Variants in COMT observed in about 807,000 individuals in gnomAD.
COMT encodes catechol O-methyltransferase.
Under a neutral mutation model 18.9 loss-of-function variants are expected in COMT, and 13 were observed. The ratio of observed to expected loss-of-function variants is 0.69; its 90% CI spans 0.45 to 1.09. COMT has a LOEUF of 1.09. Among genes scored for constraint, COMT ranks in the 50% least tolerant of loss-of-function variants. The pLI is 0.00. For synonymous variants in COMT, 150 were observed against 160.9 expected, an observed-to-expected ratio of 0.93 and a Z score of 0.51; for missense variants, 329 against 361.8, an observed-to-expected ratio of 0.91 and a Z score of 0.73.
chr22:19,948,599 G>A (rs763739164), intron 1 of COMT, among the ~76,000 whole-genome samples: 12 of 152,122 alleles, frequency 7.9e-5, no homozygotes, highest in Non-Finnish European at 1.8e-4. Flanking sequence ...GTTCAAGGTT[G>A]CAGTGAGCTG....
At chr22:19,966,026 T>C (rs529410576) in intron 5 of COMT, among the ~76,000 whole-genome samples, 13 of 152,344 alleles carry the variant, frequency 8.5e-5, no homozygotes, top group African/African-American at 2.9e-4. Flanking sequence ...TGGGTGCTAA[T>C]TACAGGGGCC....
intron 1 of COMT, among the ~76,000 whole-genome samples, chr22:19,957,542 T>C (rs1429898944): frequency 1.3e-5 from 2 of 152,244 alleles, no homozygotes; most frequent in African/African-American, 4.8e-5. Context: ...GCAGAGAAGC[T>C]TGGGCAGGCC....
chr22:19,957,057 T>C (rs906171145), intron 1 of COMT, among the ~76,000 whole-genome samples: 83 of 149,794 alleles, frequency 5.5e-4, no homozygotes, highest in Admixed American at 1.6e-3. Context: ...TTCACGCCAT[T>C]CTCCTGCCTC....
chr22:19,952,659 C>A (rs28804429), intron 1 of COMT, among the ~76,000 whole-genome samples: 35,398 of 136,340 alleles, frequency 0.26, 4,321 homozygotes, highest in Middle Eastern at 0.4. Context: ...AAAACAACAA[C>A]AAAAAAAAAA....
Position 19,969,865 on chromosome 22 carries a change from G to A in COMT, c.*1129G>A, listed in dbSNP as rs1942647011. 3.0e-6 allele frequency: 3 copies of A among 985,456 alleles called. No homozygotes were observed. Among genetic ancestry groups the A allele is most frequent in the Non-Finnish European group, 3.6e-6 (3 of 829,924 alleles). 61.0% of individuals were successfully genotyped at this position (985,456 alleles called of 1,614,324 possible). On this transcript the variant is annotated 3_prime_UTR_variant, in exon 6 of 6. Transcript: ENST00000361682. Reference sequence around the variant, plus strand: ...GACACAAGGGAGAAGCCAGCCACTTGTGCCAGACCTGAGTGGCAGAAAGCA... The same window carrying A: ...GACACAAGGGAGAAGCCAGCCACTTATGCCAGACCTGAGTGGCAGAAAGCA...
At chr22:19,951,643 G>C (rs944071337) in intron 1 of COMT, 7 of 152,372 alleles carry the variant, frequency 4.6e-5, no homozygotes, top group African/African-American at 1.4e-4. Context: ...AACACAGCTG[G>C]ACATTAAAGT....
chr22:19,952,956 AT>A lies in COMT; in HGVS notation c.-91-8242del, dbSNP rs1295236120. Among the ~76,000 whole-genome samples the A allele has an allele frequency of 6.6e-3, 6 of 908 alleles. No homozygotes were observed. The South Asian group carries it at 0.13, about 20-fold the overall frequency. 0.6% of individuals were successfully genotyped at this position (908 alleles called of 152,430 possible). A position where few individuals can be genotyped will look rare whatever the true frequency, so the allele number is the denominator to read the frequency against. ...ACAGAGTGACAGCCCGTCTCAAAAAATAAATAAATAAATAAATAAATAAATA... is the reference window on the plus strand; with the variant it reads ...ACAGAGTGACAGCCCGTCTCAAAAAAAAATAAATAAATAAATAAATAAATA... On this transcript the variant is annotated intron_variant, in intron 1 of 5. Coordinates refer to ENST00000361682, the MANE Select transcript of COMT (RefSeq NM_000754.4).
At chr22:19,959,023 T>G (rs1360646886) in intron 1 of COMT, among the ~76,000 whole-genome samples, 2 of 151,946 alleles carry the variant, frequency 1.3e-5, no homozygotes, top group African/African-American at 4.8e-5. Context: ...CTCTGTAAGG[T>G]AAGGGGGGAC....
chr22:19,959,400 G>T (rs1942138619), intron 1 of COMT, among the ~76,000 whole-genome samples: 1 of 152,252 alleles, frequency 6.6e-6, no homozygotes, highest in African/African-American at 2.4e-5. Context: ...ACCCTCCTCC[G>T]TGGCTGGGTG....
intron 1 of COMT, among the ~76,000 whole-genome samples, chr22:19,946,793 A>T (rs1941842149): frequency 6.6e-6 from 1 of 152,182 alleles, no homozygotes; most frequent in Non-Finnish European, 1.5e-5. Flanking sequence ...CATTGGCAGA[A>T]GGGTATTCAC....
At chr22:19,967,633 C>G (rs933011231) in intron 5 of COMT, 5 of 313,862 alleles carry the variant, frequency 1.6e-5, no homozygotes, top group African/African-American at 1.1e-4. Flanking sequence ...CATGTGGGGT[C>G]GGATACCAGT....
At chr22:19,964,527 C>A (rs1200853121) in intron 5 of COMT, 2 of 683,966 alleles carry the variant, frequency 2.9e-6, no homozygotes, top group African/African-American at 1.8e-5. Context: ...CTGTTGGGAA[C>A]TGGGGAGCCA....
At chr22:19,953,984 A>G (rs3087869) in intron 1 of COMT, among the ~76,000 whole-genome samples, 76,122 of 151,952 alleles carry the variant, frequency 0.5, 19,369 homozygotes, top group Middle Eastern at 0.58. Flanking sequence ...GGGGGCCCCG[A>G]CGGGGCCACA....
intron 1 of COMT, among the ~76,000 whole-genome samples, chr22:19,958,804 A>T (rs1352831196): frequency 6.6e-6 from 1 of 150,608 alleles, no homozygotes; most frequent in Admixed American, 6.6e-5. Context: ...AGGCAGGAGG[A>T]TCCCTTGAGC....
intron 1 of COMT, among the ~76,000 whole-genome samples, chr22:19,943,649 A>AT (rs1941784571): frequency 6.7e-6 from 1 of 149,670 alleles, no homozygotes; most frequent in Admixed American, 6.6e-5. Context: ...TTAAAAAAAA[A>AT]AAATAATAAT....
chr22:19,960,183 C>T (rs903153905), intron 1 of COMT, among the ~76,000 whole-genome samples: 2 of 152,244 alleles, frequency 1.3e-5, no homozygotes, highest in Non-Finnish European at 2.9e-5. Flanking sequence ...TAATTTGGGA[C>T]TCCAAGGTCT....
rs1287503209 is a variant in COMT, at chr22:19,964,282, G to C, written c.598G>C (p.Asp200His). 4 of 1,614,030 alleles carry C rather than the reference G, an allele frequency of 2.5e-6. No individual in the cohort carries two copies. In the South Asian group the frequency reaches 4.4e-5, roughly 18 times the overall value. ...LDHWKDRYLP[D>H]TLLLEECGLL... Reference sequence around the variant, plus strand: ...CCACTGGAAGGACCGGTACCTGCCGGACACGCTTCTCTTGGAGGTGAGCCC... The same window carrying C: ...CCACTGGAAGGACCGGTACCTGCCGCACACGCTTCTCTTGGAGGTGAGCCC... The change falls in exon 5 of 6, where the codon GAC becomes CAC. Residue 200 changes from aspartate to histidine, a missense_variant. Coordinates refer to ENST00000361682, the MANE Select transcript of COMT (RefSeq NM_000754.4).
chr22:19,944,409 G>A (rs7291003), intron 1 of COMT, among the ~76,000 whole-genome samples: 21,790 of 152,122 alleles, frequency 0.14, 1,900 homozygotes, highest in Non-Finnish European at 0.19. Flanking sequence ...TTAGCCGGGC[G>A]TGGTGGTGCA....
chr22:19,946,784 A>T (rs1336211054), intron 1 of COMT, among the ~76,000 whole-genome samples: 4 of 152,236 alleles, frequency 2.6e-5, no homozygotes, highest in African/African-American at 9.6e-5. Context: ...AGGACATGTC[A>T]TTGGCAGAAG....
Sources: gnomAD v4.1 joint callset for allele counts (sites outside exome capture counted in the v4.1 genomes callset) on GRCh38, gnomAD v4.1.1 for gene constraint, MANE v1.5 for transcripts, NCBI Gene and HGNC (gene_info 2026-07-23, HGNC 2026-07-21) for gene names.